The following TSC22D1 variants were observed in gnomAD, a reference collection of about 807,000 sequenced individuals.
The protein encoded by TSC22D1 is TSC22 domain family member 1.
A neutral mutation model predicts 74.2 loss-of-function variants in TSC22D1; 9 were observed. The observed-to-expected ratio is 0.12, with a 90% CI of 0.07 to 0.21. TSC22D1 has a LOEUF of 0.21. Ranked by LOEUF, TSC22D1 falls within the 10% of genes least tolerant of loss-of-function variation. The probability of loss-of-function intolerance (pLI) is 1.00; values close to 1 mark genes in which losing one functional copy is unlikely to be tolerated. For missense variants in TSC22D1, 1,427 were observed against 1,304.7 expected, an observed-to-expected ratio of 1.09 and a Z score of -1.44; for synonymous variants, 586 against 492.5, an observed-to-expected ratio of 1.19 and a Z score of -2.51.
In TSC22D1 at chr13:44,435,200, A is replaced by G. The variant is rs571926377; in HGVS notation, c.2965-317T>C. On this transcript the variant is annotated intron_variant, in intron 2 of 2. Coordinates refer to ENST00000458659, the MANE Select transcript of TSC22D1 (RefSeq NM_183422.4). ...CTGAGACCAGCAGCGGGGACGTCCA[A>G]GCCACAGCGCGCCCACCGCGTCCCC... is the stretch of plus-strand genomic sequence containing the variant. 8 of 236,710 alleles carry G rather than the reference A, an allele frequency of 3.4e-5. No individual in the cohort carries two copies. The East Asian group carries it at 6.8e-4, about 20-fold the overall frequency. 14.7% of individuals were successfully genotyped at this position (236,710 alleles called of 1,614,324 possible).
intron 1 of TSC22D1, among the ~76,000 whole-genome samples, chr13:44,567,358 C>T (rs996436342): frequency 3.9e-5 from 6 of 152,144 alleles, no homozygotes; most frequent in African/African-American, 9.7e-5. Context: ...TGACAAGCCA[C>T]GCTCAGAATT....
chr13:44,471,689 T>C (rs1877615628), intron 1 of TSC22D1, among the ~76,000 whole-genome samples: 2 of 152,228 alleles, frequency 1.3e-5, no homozygotes, highest in African/African-American at 2.4e-5. Flanking sequence ...CAGAGCATCA[T>C]CTACAATAAT....
chr13:44,533,306 C>T (rs1447612258), intron 1 of TSC22D1, among the ~76,000 whole-genome samples: 2 of 148,926 alleles, frequency 1.3e-5, no homozygotes, highest in African/African-American at 5.0e-5. Flanking sequence ...ACTAGAAGTA[C>T]AAAAAATTAG....
intron 1 of TSC22D1, among the ~76,000 whole-genome samples, chr13:44,483,294 G>C (rs1339542506): frequency 6.6e-6 from 1 of 152,116 alleles, no homozygotes; most frequent in Non-Finnish European, 1.5e-5. Context: ...TAGAAAGCTA[G>C]CACAATCAGC....
At chr13:44,505,194 C>A (rs1488728582) in intron 1 of TSC22D1, among the ~76,000 whole-genome samples, 1 of 151,996 alleles carries the variant, frequency 6.6e-6, no homozygotes, top group East Asian at 1.9e-4. Flanking sequence ...TTTGGGAGGC[C>A]AAGGCAGGAG....
chr13:44,561,451 A>C (rs1268442065), intron 1 of TSC22D1, among the ~76,000 whole-genome samples: 1 of 152,216 alleles, frequency 6.6e-6, no homozygotes, highest in Non-Finnish European at 1.5e-5. Context: ...CAGACTTCTC[A>C]ATCTTACATT....
At chr13:44,503,013 T>C (rs1879282881) in intron 1 of TSC22D1, among the ~76,000 whole-genome samples, 1 of 152,328 alleles carries the variant, frequency 6.6e-6, no homozygotes. Context: ...ATTTGTTTGA[T>C]TGTTGCAATA....
At chr13:44,504,304 C>T (rs1180242003) in intron 1 of TSC22D1, among the ~76,000 whole-genome samples, 2 of 134,424 alleles carry the variant, frequency 1.5e-5, no homozygotes, top group African/African-American at 5.5e-5. Flanking sequence ...TCTTAAAAGT[C>T]TCAAGTGACT....
In TSC22D1 at chr13:44,574,473, A is replaced by G. The variant is rs775914861; in HGVS notation, c.1602T>C (p.Ser534=). The change falls in exon 1 of 3, where the codon AGT becomes AGC. Residue 534 remains serine, a synonymous_variant. Coordinates refer to ENST00000458659, the MANE Select transcript of TSC22D1 (RefSeq NM_183422.4). ...GTGACTGAGAAATACTCTGTGGTAT[A>G]CTAACTGCTGGAATACTCTGTGGAC... The part of the protein sequence containing the change: ...STGPQSIPAV[S]IPQSISQSQI... The G allele has an allele frequency of 7.4e-6, 12 of 1,613,874 alleles. No individual in the cohort carries two copies. Among genetic ancestry groups the G allele is most frequent in the African/African-American group, 1.3e-5 (1 of 74,876 alleles).
At chr13:44,568,933 C>A (rs1398956833) in intron 1 of TSC22D1, among the ~76,000 whole-genome samples, 2 of 151,970 alleles carry the variant, frequency 1.3e-5, no homozygotes, top group African/African-American at 4.8e-5. Flanking sequence ...GACAAGAATA[C>A]TGAATAATCA....
Position 44,434,896 on chromosome 13 carries a change from CAG to C in TSC22D1, c.2965-15_2965-14del. On this transcript the variant is annotated splice_polypyrimidine_tract_variant and intron_variant, in intron 2 of 2. Transcript: ENST00000458659. The stretch of plus-strand genomic sequence containing the variant: ...TTTTCACTAGATCCTGGAAAGAAGA[CAG>C]AAAAGGTTTAACTCATTATTTGGTA... 6.2e-7 allele frequency: 1 copy of C among 1,603,522 alleles called. No individual in the cohort carries two copies. The highest frequency in any genetic ancestry group is 8.5e-7 in the Non-Finnish European group (1 of 1,174,816).
At chr13:44,547,493 G>A (rs973974870) in intron 1 of TSC22D1, among the ~76,000 whole-genome samples, 4 of 152,104 alleles carry the variant, frequency 2.6e-5, no homozygotes, top group African/African-American at 7.2e-5. Flanking sequence ...TCATAGAACA[G>A]GTGAACAAAA....
intron 1 of TSC22D1, chr13:44,436,894 A>G (rs1874714733): frequency 5.3e-6 from 6 of 1,126,972 alleles, no homozygotes; most frequent in African/African-American, 1.6e-5. Flanking sequence ...TATATGCAGG[A>G]AAGAGCTGCG....
chr13:44,504,748 G>A (rs533711081), intron 1 of TSC22D1, among the ~76,000 whole-genome samples: 15 of 152,002 alleles, frequency 9.9e-5, no homozygotes, highest in South Asian at 8.3e-4. Flanking sequence ...TTGAAACATC[G>A]GATTACCACA....
intron 1 of TSC22D1, among the ~76,000 whole-genome samples, chr13:44,474,600 C>T (rs1877790504): frequency 1.3e-5 from 2 of 152,070 alleles, no homozygotes; most frequent in Non-Finnish European, 2.9e-5. Context: ...GTTTTCCCCA[C>T]TTTTGACACA....
At chr13:44,562,268 T>TGGACTCCAGCAATCAACCTGCC (rs1281090240) in intron 1 of TSC22D1, among the ~76,000 whole-genome samples, 2 of 152,164 alleles carry the variant, frequency 1.3e-5, no homozygotes, top group Non-Finnish European at 2.9e-5. Flanking sequence ...CTCAAACTCC[T>TGGACTCCAGCAATCAACCTGCC]GGACTCCAGC....
At chr13:44,523,271 A>G (rs965720853) in intron 1 of TSC22D1, among the ~76,000 whole-genome samples, 4 of 152,204 alleles carry the variant, frequency 2.6e-5, no homozygotes, top group African/African-American at 9.6e-5. Context: ...GGCTTACTAC[A>G]TGACTCAGCA....
chr13:44,567,503 GA>G (rs140699188), intron 1 of TSC22D1, among the ~76,000 whole-genome samples: 59 of 142,406 alleles, frequency 4.1e-4, no homozygotes, highest in African/African-American at 6.2e-4. Flanking sequence ...CACATAGAAA[GA>G]AAAAAAAAAC....
At chr13:44,458,749 C>G (rs1030790754) in intron 1 of TSC22D1, among the ~76,000 whole-genome samples, 1 of 152,204 alleles carries the variant, frequency 6.6e-6, no homozygotes, top group African/African-American at 2.4e-5. Flanking sequence ...TATGGCCAAG[C>G]CTGGGCGCTG....
Sources: gnomAD v4.1 joint callset for allele counts (sites outside exome capture counted in the v4.1 genomes callset) on GRCh38, gnomAD v4.1.1 for gene constraint, MANE v1.5 for transcripts, NCBI Gene and HGNC (gene_info 2026-07-23, HGNC 2026-07-21) for gene names.